The following SS18 variants were observed in gnomAD, a reference collection of about 807,000 sequenced individuals.
SS18 encodes the protein SS18 subunit of BAF chromatin remodeling complex, also known as protein SSXT.
In SS18, 28 loss-of-function variants were observed where a neutral mutation model predicts 72.5. The ratio of observed to expected loss-of-function variants is 0.39; its 90% CI spans 0.29 to 0.53. SS18 has a LOEUF of 0.53. Ranked by LOEUF, SS18 falls within the 20% of genes least tolerant of loss-of-function variation. The pLI is 0.76. For missense variants in SS18, 518 were observed against 535.3 expected, an observed-to-expected ratio of 0.97 and a Z score of 0.32; for synonymous variants, 172 against 164.2, an observed-to-expected ratio of 1.05 and a Z score of -0.37.
At chr18:26,062,800 G>A (rs1289842774) in intron 3 of SS18, among the ~76,000 whole-genome samples, 3 of 152,102 alleles carry the variant, frequency 2.0e-5, no homozygotes, top group Non-Finnish European at 2.9e-5. Flanking sequence ...GCTTTATTAC[G>A]ATAAAAGTTC....
intron 1 of SS18, among the ~76,000 whole-genome samples, chr18:26,089,024 T>C (rs1393772993): frequency 6.6e-6 from 1 of 152,176 alleles, no homozygotes; most frequent in African/African-American, 2.4e-5. Context: ...CTCCAGTATA[T>C]TCCTCAAACT....
chr18:26,054,129 A>G (rs1289489260), intron 4 of SS18, among the ~76,000 whole-genome samples: 1 of 152,192 alleles, frequency 6.6e-6, no homozygotes, highest in African/African-American at 2.4e-5. Flanking sequence ...TGTAAATGCT[A>G]TGTACATAGT....
At chr18:26,066,847 G>C (rs2054228786) in intron 3 of SS18, among the ~76,000 whole-genome samples, 1 of 152,102 alleles carries the variant, frequency 6.6e-6, no homozygotes. Context: ...TGAAATACAG[G>C]AATACTGCCT....
chr18:26,031,478 A>C (rs2053541387), intron 10 of SS18, among the ~76,000 whole-genome samples: 1 of 152,238 alleles, frequency 6.6e-6, no homozygotes, highest in African/African-American at 2.4e-5. Flanking sequence ...TAGATAGCTT[A>C]AGTGGTGAAC....
intron 4 of SS18, among the ~76,000 whole-genome samples, chr18:26,055,543 A>G (rs2054002453): frequency 1.3e-5 from 2 of 152,206 alleles, no homozygotes; most frequent in African/African-American, 4.8e-5. Context: ...CAATGAGAAC[A>G]TAAGTAGCTC....
At chr18:26,074,239 C>G (rs1238811517) in intron 3 of SS18, among the ~76,000 whole-genome samples, 2 of 151,048 alleles carry the variant, frequency 1.3e-5, no homozygotes, top group Non-Finnish European at 3.0e-5. Flanking sequence ...TAATAAAGAC[C>G]AATGGGCTTA....
chr18:26,032,823 C>T (rs2053566379), intron 9 of SS18, among the ~76,000 whole-genome samples: 2 of 152,050 alleles, frequency 1.3e-5, no homozygotes, highest in South Asian at 4.1e-4. Context: ...AGGTTAACTC[C>T]ATGATGATAA....
chr18:26,028,549 G>A (rs1322328178), intron 10 of SS18, among the ~76,000 whole-genome samples: 1 of 152,008 alleles, frequency 6.6e-6, no homozygotes, highest in Non-Finnish European at 1.5e-5. Context: ...CCATCTCAAT[G>A]GACAAACAAA....
At chr18:26,029,559 C>G (rs1178731143) in intron 10 of SS18, among the ~76,000 whole-genome samples, 3 of 152,076 alleles carry the variant, frequency 2.0e-5, no homozygotes, top group African/African-American at 7.2e-5. Context: ...GTCTGCTTTG[C>G]AAAGAGGGGA....
Position 26,078,274 on chromosome 18 carries a change from A to G in SS18, c.147-114T>C, listed in dbSNP as rs796877260. 6.5e-5 allele frequency: 42 copies of G among 641,720 alleles called. 1 individual carries two copies. In the African/African-American group the frequency reaches 7.2e-4, roughly 11 times the overall value. 39.8% of individuals were successfully genotyped at this position (641,720 alleles called of 1,614,324 possible). A position where few individuals can be genotyped will look rare whatever the true frequency, so the allele number is the denominator to read the frequency against. ...TTCATTAAAAATTTGTTACCCGAAC[A>G]TCAATAGCACTTCAATTTTTCCTAC... On this transcript the variant is annotated intron_variant, in intron 2 of 10. Transcript: ENST00000415083.
intron 1 of SS18, chr18:26,090,188 CGGCCGCCGCCGG>C: frequency 2.4e-6 from 1 of 420,008 alleles, no homozygotes; most frequent in Non-Finnish European, 4.2e-6. Flanking sequence ...CTTCCCTGAG[CGGCCGCCGCCGG>C]GCGCACGCGC....
At chr18:26,067,761 T>A (rs544298853) in intron 3 of SS18, among the ~76,000 whole-genome samples, 3 of 152,204 alleles carry the variant, frequency 2.0e-5, no homozygotes, top group East Asian at 3.9e-4. Flanking sequence ...AAGAATAAGT[T>A]TCAAAGGAGA....
intron 3 of SS18, among the ~76,000 whole-genome samples, chr18:26,069,805 A>C (rs1252642313): frequency 6.6e-6 from 1 of 152,236 alleles, no homozygotes; most frequent in Non-Finnish European, 1.5e-5. Flanking sequence ...CTTGAATGAA[A>C]TTGTTCTCTC....
rs1285535759 is a variant in SS18, at chr18:26,038,575, T to G, written c.860A>C (p.Asn287Thr). 6.2e-7 allele frequency: 1 copy of G among 1,613,448 alleles called. No homozygotes were observed. The highest frequency in any genetic ancestry group is 1.3e-5 in the African/African-American group (1 of 75,028). Residue 287 changes from asparagine (N) to threonine (T), a missense_variant, in exon 7 of 11, where the codon AAC (asparagine) becomes ACC (threonine). By Grantham distance (65) the Asn-to-Thr change is moderately conservative. Coordinates refer to ENST00000415083, the MANE Select transcript of SS18 (RefSeq NM_001007559.3). ...HGGQGPPEGM[N>T]QQYYPDGHND... is the part of the protein sequence containing the mutation. Reference sequence around the variant, plus strand: ...ATTACCATCAGGGTAATATTGCTGGTTCATGCCTTCTGGAGGACCTTGTCC... The same window carrying G: ...ATTACCATCAGGGTAATATTGCTGGGTCATGCCTTCTGGAGGACCTTGTCC...
chr18:26,056,712 T>C (rs2054028364), intron 4 of SS18, among the ~76,000 whole-genome samples: 1 of 152,240 alleles, frequency 6.6e-6, no homozygotes. Flanking sequence ...TTCTGTTATT[T>C]TATTTCCATT....
intron 5 of SS18, among the ~76,000 whole-genome samples, chr18:26,051,899 T>A (rs1335984746): frequency 6.6e-6 from 1 of 152,254 alleles, no homozygotes; most frequent in Non-Finnish European, 1.5e-5. Flanking sequence ...TTTAGTGCTC[T>A]GTTTATTTTA....
At chr18:26,028,108 A>C (rs1290434979) in intron 10 of SS18, among the ~76,000 whole-genome samples, 8 of 152,160 alleles carry the variant, frequency 5.3e-5, no homozygotes, top group Non-Finnish European at 8.8e-5. Context: ...TAATAAAAAA[A>C]ATAAAGAGCC....
chr18:26,087,831 T>A (rs1024666775), intron 1 of SS18, among the ~76,000 whole-genome samples: 1 of 152,220 alleles, frequency 6.6e-6, no homozygotes, highest in African/African-American at 2.4e-5. Context: ...TACAAATTAT[T>A]TTAAAATTCA....
chr18:26,047,453 G>A (rs2053845643), intron 5 of SS18, among the ~76,000 whole-genome samples: 1 of 117,008 alleles, frequency 8.5e-6, no homozygotes, highest in Admixed American at 9.8e-5. Context: ...AGCAAATGCT[G>A]GGTCAAAGTT....
Sources: allele counts gnomAD v4.1 joint callset (sites outside exome capture counted in the v4.1 genomes callset), GRCh38; gene constraint gnomAD v4.1.1; transcripts MANE v1.5; gene names NCBI Gene and HGNC (gene_info 2026-07-23, HGNC 2026-07-21).